TRPM8: variants seen among roughly 807,000 people sequenced by gnomAD.
The protein encoded by TRPM8 is TRPM8 cationic channel.
A neutral mutation model predicts 133.7 loss-of-function variants in TRPM8; 110 were observed. The ratio of observed to expected loss-of-function variants is 0.82; its 90% CI spans 0.70 to 0.96. The LOEUF is 0.96. TRPM8 is among the 40% of genes least tolerant of loss of function. The pLI, the probability that TRPM8 is intolerant of heterozygous loss-of-function variation, is 0.00. For synonymous variants in TRPM8, 535 were observed against 532.3 expected, an observed-to-expected ratio of 1.01 and a Z score of -0.07; for missense variants, 1,291 against 1,379.5, an observed-to-expected ratio of 0.94 and a Z score of 1.02.
intron 21 of TRPM8, among the ~76,000 whole-genome samples, chr2:233,987,717 C>T (rs935509673): frequency 6.6e-6 from 1 of 152,188 alleles, no homozygotes; most frequent in Non-Finnish European, 1.5e-5. Context: ...ATGGTAGCTC[C>T]CATAATTCCC....
At chr2:234,012,428 G>A (rs1461905790) in intron 24 of TRPM8, among the ~76,000 whole-genome samples, 3 of 151,810 alleles carry the variant, frequency 2.0e-5, no homozygotes, top group Non-Finnish European at 4.4e-5. Context: ...TTACAGGCAT[G>A]AGCCACCACG....
rs1469776420 is a variant in TRPM8, at chr2:233,996,368, G to A, written c.2982G>A (p.Trp994Ter). Residue 994 changes from tryptophan to a stop codon, truncating the protein, a stop_gained, in exon 22 of 26, where the codon TGG becomes TGA. Coordinates refer to ENST00000324695, the MANE Select transcript of TRPM8 (RefSeq NM_024080.5). LOFTEE classifies it high-confidence loss of function. ...TCCAGGAGAACAATGACCAGGTCTGGAAGTTCCAGAGGTACTTCCTGGTGC... is the reference window on the plus strand; with the variant it reads ...TCCAGGAGAACAATGACCAGGTCTGAAAGTTCCAGAGGTACTTCCTGGTGC... ...GTVQENNDQVWKFQRYFLVQE... is the reference protein window; with the variant it reads ...GTVQENNDQV 6.2e-7 allele frequency: 1 copy of A among 1,614,182 alleles called. No homozygotes were observed. The highest frequency in any genetic ancestry group is 1.1e-5 in the South Asian group (1 of 91,074).
At chr2:233,963,894 C>A (rs1298613248) in intron 13 of TRPM8, among the ~76,000 whole-genome samples, 1 of 152,106 alleles carries the variant, frequency 6.6e-6, no homozygotes. Context: ...GTGTTCTTAC[C>A]CAGGCCCCAC....
At chr2:233,951,444 C>T (rs1691170842) in intron 9 of TRPM8, among the ~76,000 whole-genome samples, 1 of 152,138 alleles carries the variant, frequency 6.6e-6, no homozygotes, top group Non-Finnish European at 1.5e-5. Context: ...AAGATGGCCC[C>T]AGGTCCACTT....
intron 13 of TRPM8, among the ~76,000 whole-genome samples, chr2:233,963,875 A>G (rs1243901536): frequency 2.0e-5 from 3 of 152,198 alleles, no homozygotes; most frequent in African/African-American, 4.8e-5. Flanking sequence ...TACATTGTTC[A>G]GGTCTTCTGT....
chr2:233,930,057 C>T (rs1198013247), intron 2 of TRPM8, among the ~76,000 whole-genome samples: 1 of 152,190 alleles, frequency 6.6e-6, no homozygotes, highest in Non-Finnish European at 1.5e-5. Flanking sequence ...GGCTATCAAT[C>T]TTATGATGTT....
At chr2:233,999,258 C>T (rs940728593) in intron 22 of TRPM8, among the ~76,000 whole-genome samples, 1 of 152,072 alleles carries the variant, frequency 6.6e-6, no homozygotes, top group Non-Finnish European at 1.5e-5. Context: ...GACATCCACA[C>T]GCATTCTCAC....
At chr2:233,960,454 A>C (rs1342798333) in intron 11 of TRPM8, among the ~76,000 whole-genome samples, 1 of 152,032 alleles carries the variant, frequency 6.6e-6, no homozygotes, top group Non-Finnish European at 1.5e-5. Flanking sequence ...TACTGGGGAA[A>C]ATTTTTGACC....
chr2:233,947,567 C>T (rs561132608), intron 8 of TRPM8: 6 of 1,292,510 alleles, frequency 4.6e-6, no homozygotes, highest in Non-Finnish European at 6.1e-6. Flanking sequence ...CATTTATATG[C>T]CACCTGGGGA....
intron 22 of TRPM8, among the ~76,000 whole-genome samples, chr2:234,006,019 A>G (rs1404507137): frequency 6.6e-6 from 1 of 151,552 alleles, no homozygotes; most frequent in Non-Finnish European, 1.5e-5. Flanking sequence ...TTTGACCCCC[A>G]ATTAATTCTT....
chr2:233,946,059 A>G (rs1691036548), intron 7 of TRPM8, 29 bp downstream of exon 7: 1 of 1,600,318 alleles, frequency 6.2e-7, no homozygotes, highest in East Asian at 2.2e-5. Context: ...GGACACTAGA[A>G]GTGTACAATA....
At chr2:233,982,914 A>G in intron 19 of TRPM8, 139 bp from the exon 20 acceptor site, 1 of 853,570 alleles carries the variant, frequency 1.2e-6, no homozygotes, top group Non-Finnish European at 1.8e-6. Context: ...TCAATTAGTC[A>G]GTGAACTCTG....
intron 1 of TRPM8, among the ~76,000 whole-genome samples, chr2:233,917,888 A>G (rs1052717135): frequency 5.3e-5 from 8 of 152,236 alleles, no homozygotes; most frequent in Non-Finnish European, 1.0e-4. Context: ...GCATTCAAAT[A>G]GTAAATATTC....
intron 18 of TRPM8, 152 bp from the exon 19 acceptor site, chr2:233,981,622 C>T: frequency 1.5e-6 from 1 of 649,804 alleles, no homozygotes; most frequent in Non-Finnish European, 2.5e-6. Flanking sequence ...AGCGGAAGAT[C>T]ATGGCCTCTG....
At chr2:233,949,544 T>C (rs1339594086) in intron 8 of TRPM8, among the ~76,000 whole-genome samples, 2 of 152,250 alleles carry the variant, frequency 1.3e-5, no homozygotes, top group Admixed American at 1.3e-4. Context: ...CTCAAAAGTA[T>C]GAGTATTGGT....
chr2:233,930,647 T>C, intron 2 of TRPM8, 21 bp from the exon 3 acceptor site: 1 of 1,543,810 alleles, frequency 6.5e-7, no homozygotes, highest in Middle Eastern at 1.7e-4. Context: ...TAATGTGTTA[T>C]TCAATGTTCT....
intron 2 of TRPM8, among the ~76,000 whole-genome samples, chr2:233,928,693 A>G (rs1291855766): frequency 6.6e-6 from 1 of 152,238 alleles, no homozygotes; most frequent in Non-Finnish European, 1.5e-5. Flanking sequence ...GTTGAAAGAT[A>G]CAAAGAAAAG....
At chr2:234,000,199 C>T (rs1373078078) in intron 22 of TRPM8, among the ~76,000 whole-genome samples, 1 of 151,708 alleles carries the variant, frequency 6.6e-6, no homozygotes, top group Non-Finnish European at 1.5e-5. Context: ...CAACCTCCGC[C>T]TCCTGGGTTC....
intron 22 of TRPM8, 75 bp downstream of exon 22, chr2:233,996,591 T>A: frequency 1.5e-6 from 2 of 1,320,548 alleles, no homozygotes; most frequent in Non-Finnish European, 1.1e-6. Context: ...GGTGTGTATC[T>A]CAACAGGAAG....
Sources: allele counts gnomAD v4.1 joint callset (sites outside exome capture counted in the v4.1 genomes callset), GRCh38; gene constraint gnomAD v4.1.1; transcripts MANE v1.5; gene names NCBI Gene and HGNC (gene_info 2026-07-23, HGNC 2026-07-21).